The following PPP4R4 variants were observed in gnomAD, a reference collection of about 807,000 sequenced individuals.
The protein encoded by PPP4R4 is serine/threonine-protein phosphatase 4 regulatory subunit 4.
In PPP4R4, 70 loss-of-function variants were observed where a neutral mutation model predicts 121.8. That is an observed-to-expected ratio of 0.57 (90% CI 0.47 to 0.70). The LOEUF is 0.70. PPP4R4 is among the 30% of genes least tolerant of loss of function. The probability of loss-of-function intolerance (pLI) is 0.00; values close to 1 mark genes in which losing one functional copy is unlikely to be tolerated. For missense variants in PPP4R4, 875 were observed against 1,033.6 expected, an observed-to-expected ratio of 0.85 and a Z score of 2.10; for synonymous variants, 348 against 355.7, an observed-to-expected ratio of 0.98 and a Z score of 0.24.
intron 2 of PPP4R4, among the ~76,000 whole-genome samples, chr14:94,199,719 C>G (rs1458147185): frequency 6.6e-6 from 1 of 152,182 alleles, no homozygotes; most frequent in Non-Finnish European, 1.5e-5. Flanking sequence ...CTCTGACTGC[C>G]CCAGCCAAAC....
chr14:94,175,889 G>A (rs1888653548), intron 1 of PPP4R4, 165 bp from the exon 2 acceptor site: 4 of 618,028 alleles, frequency 6.5e-6, no homozygotes, highest in African/African-American at 5.5e-5. Context: ...AGACCTCCGT[G>A]ATTGATGTCG....
chr14:94,202,337 G>A (rs1377754707), intron 2 of PPP4R4, among the ~76,000 whole-genome samples: 1 of 152,158 alleles, frequency 6.6e-6, no homozygotes, highest in Non-Finnish European at 1.5e-5. Flanking sequence ...AAGAAAATGT[G>A]TGTAAGATCT....
At chr14:94,226,861 T>C (rs1317472489) in intron 3 of PPP4R4, among the ~76,000 whole-genome samples, 1 of 152,182 alleles carries the variant, frequency 6.6e-6, no homozygotes, top group Non-Finnish European at 1.5e-5. Flanking sequence ...TAAGATTCTT[T>C]TCAGAATTTG....
rs750892561 is a variant in PPP4R4 at position 94,208,506 on chromosome 14, C to T, written c.234C>T (p.Leu78=). 2 of 1,611,906 alleles carry T rather than the reference C, an allele frequency of 1.2e-6. No individual in the cohort carries two copies. Among genetic ancestry groups the T allele is most frequent in the Admixed American group, 1.7e-5 (1 of 59,830 alleles). ...AAGGAACAAGTGTGATTGCAAATCTCCCATTTTTGATGCGACAGAATCCCA... is the reference window on the plus strand; with the variant it reads ...AAGGAACAAGTGTGATTGCAAATCTTCCATTTTTGATGCGACAGAATCCCA... ...DVQGTSVIAN[L]PFLMRQNPTE... The change falls in exon 3 of 25, where the codon CTC becomes CTT. Residue 78 remains leucine (L), a synonymous_variant. Coordinates refer to ENST00000304338, the MANE Select transcript of PPP4R4 (RefSeq NM_058237.2).
At chr14:94,220,710 A>G (rs1395157033) in intron 3 of PPP4R4, among the ~76,000 whole-genome samples, 2 of 152,210 alleles carry the variant, frequency 1.3e-5, no homozygotes, top group South Asian at 2.1e-4. Context: ...ACTGAAAACT[A>G]TAGAACATTT....
chr14:94,214,585 G>A (rs141660439), intron 3 of PPP4R4, among the ~76,000 whole-genome samples: 1 of 151,584 alleles, frequency 6.6e-6, no homozygotes, highest in African/African-American at 2.4e-5. Context: ...ATTTATTATA[G>A]AATTTTATGT....
At chr14:94,191,780 C>A in intron 2 of PPP4R4, among the ~76,000 whole-genome samples, 1 of 152,178 alleles carries the variant, frequency 6.6e-6, no homozygotes, top group South Asian at 2.1e-4. Context: ...TAGTAAAATA[C>A]CTTATTGTAA....
At chr14:94,240,848 T>TC (rs1268174407) in intron 9 of PPP4R4, 53 bp downstream of exon 9, 1 of 1,427,486 alleles carries the variant, frequency 7.0e-7, no homozygotes, top group Non-Finnish European at 9.2e-7. Flanking sequence ...CCCTTTTTTT[T>TC]CTACCTCAGT....
chr14:94,243,121 G>T (rs757183252), intron 11 of PPP4R4, among the ~76,000 whole-genome samples: 1 of 152,060 alleles, frequency 6.6e-6, no homozygotes, highest in Non-Finnish European at 1.5e-5. Flanking sequence ...GCACTTTGAT[G>T]ATCTGCAAGT....
intron 23 of PPP4R4, among the ~76,000 whole-genome samples, chr14:94,270,625 A>C (rs973159694): frequency 2.0e-5 from 3 of 152,182 alleles, no homozygotes; most frequent in Non-Finnish European, 4.4e-5. Context: ...CAATTCCTGG[A>C]AAGACACAAT....
intron 2 of PPP4R4, among the ~76,000 whole-genome samples, chr14:94,202,212 T>C (rs775407925): frequency 7.2e-5 from 11 of 152,108 alleles, no homozygotes; most frequent in Non-Finnish European, 1.3e-4. Context: ...TGTACACTGC[T>C]TGGGTGATAG....
chr14:94,176,889 C>T (rs1349006390), intron 2 of PPP4R4, among the ~76,000 whole-genome samples: 1 of 152,096 alleles, frequency 6.6e-6, no homozygotes, highest in Non-Finnish European at 1.5e-5. Flanking sequence ...TCCCTTTTGG[C>T]AAATTAGTCA....
At chr14:94,209,698 C>T (rs7158212) in intron 3 of PPP4R4, among the ~76,000 whole-genome samples, 4,434 of 152,162 alleles carry the variant, frequency 0.029, 82 homozygotes, top group Middle Eastern at 0.078. Context: ...ACTAACTGAC[C>T]TACACTTGTC....
chr14:94,253,916 A>C (rs1216540389), intron 16 of PPP4R4, among the ~76,000 whole-genome samples: 1 of 152,218 alleles, frequency 6.6e-6, no homozygotes, highest in East Asian at 1.9e-4. Flanking sequence ...AATGAAAGCC[A>C]TCACAGGCAA....
chr14:94,235,388 CTTTTTTTTTTTTTTTTTT>C lies in PPP4R4; in HGVS notation c.731+731_731+748del, dbSNP rs34881107. Among the ~76,000 whole-genome samples the C allele has an allele frequency of 2.0e-4, 10 of 50,806 alleles. No homozygotes were observed. In the South Asian group the frequency reaches 7.0e-3, roughly 36 times the overall value. The allele number at this position is 50,806 out of a possible 152,430, so 33.3% of individuals were successfully genotyped here. A position where few individuals can be genotyped will look rare whatever the true frequency, so the allele number is the denominator to read the frequency against. On this transcript the variant is annotated intron_variant, in intron 7 of 24. Transcript: ENST00000304338. ...TGTTTGTTTTGTTGCTCTCCTTGTT[CTTTTTTTTTTTTTTTTTT>C]TTTTTTTTTTTGAGAGGGAGTCTCA...
At chr14:94,235,388 C>CTTTTTTTTTTTTTTTTTTTTTTTT (rs34881107) in intron 7 of PPP4R4, among the ~76,000 whole-genome samples, 1 of 50,806 alleles carries the variant, frequency 2.0e-5, no homozygotes, top group African/African-American at 9.2e-5. Flanking sequence ...TCTCCTTGTT[C>CTTTTTTTTTTTTTTTTTTTTTTTT]TTTTTTTTTT....
chr14:94,257,129 A>C (rs1027300226), intron 17 of PPP4R4, among the ~76,000 whole-genome samples: 1 of 152,050 alleles, frequency 6.6e-6, no homozygotes, highest in African/African-American at 2.4e-5. Flanking sequence ...TCCTGAGTGC[A>C]TTTCTTTGTA....
intron 2 of PPP4R4, among the ~76,000 whole-genome samples, chr14:94,205,606 A>T (rs919126119): frequency 1.3e-5 from 2 of 151,214 alleles, no homozygotes; most frequent in African/African-American, 4.9e-5. Context: ...TAGATTATTG[A>T]TTTGAGATGT....
At chr14:94,264,024 C>T (rs543689904) in intron 19 of PPP4R4, among the ~76,000 whole-genome samples, 1 of 152,220 alleles carries the variant, frequency 6.6e-6, no homozygotes, top group East Asian at 1.9e-4. Flanking sequence ...GCATAAGGGC[C>T]TCCTGTGTTT....
Sources: allele counts gnomAD v4.1 joint callset (sites outside exome capture counted in the v4.1 genomes callset), GRCh38; gene constraint gnomAD v4.1.1; transcripts MANE v1.5; gene names NCBI Gene and HGNC (gene_info 2026-07-23, HGNC 2026-07-21).